Variants in ASIC2 observed in about 807,000 individuals in gnomAD.
ASIC2 encodes the protein acid-sensing ion channel 2.
A neutral mutation model predicts 57.3 loss-of-function variants in ASIC2; 25 were observed. The observed-to-expected ratio is 0.44, with a 90% CI of 0.32 to 0.61. The LOEUF is 0.61. Among genes scored for constraint, ASIC2 ranks in the 20% least tolerant of loss-of-function variants. ASIC2 has a pLI of 0.06. For synonymous variants in ASIC2, 319 were observed against 307.5 expected, an observed-to-expected ratio of 1.04 and a Z score of -0.39; for missense variants, 641 against 738.1, an observed-to-expected ratio of 0.87 and a Z score of 1.52.
chr17:33,835,170 C>T (rs1020588411), intron 1 of ASIC2, among the ~76,000 whole-genome samples: 1 of 152,188 alleles, frequency 6.6e-6, no homozygotes, highest in African/African-American at 2.4e-5. Context: ...AGGGGGTTGG[C>T]TCTGGGGCCA....
At chr17:33,639,059 T>C (rs998681170) in intron 1 of ASIC2, among the ~76,000 whole-genome samples, 1 of 151,750 alleles carries the variant, frequency 6.6e-6, no homozygotes, top group Non-Finnish European at 1.5e-5. Flanking sequence ...CGGTGTCTAA[T>C]GAGTGATATA....
At position 33,292,576 on chromosome 17, in the gene ASIC2, G is replaced by C; in HGVS notation, c.-461C>G. On this transcript the variant is annotated 5_prime_UTR_variant, in exon 1 of 10. Coordinates refer to ENST00000225823, the MANE Select transcript of ASIC2 (RefSeq NM_183377.2). ...CTGGTCCTGGGAGAAGGGCCACTCG[G>C]CCACCATGCCTGATCTGGACATCCC... is the stretch of plus-strand genomic sequence containing the variant. 7.1e-6 allele frequency: 7 copies of C among 985,806 alleles called. No individual in the cohort carries two copies. The highest frequency in any genetic ancestry group is 8.4e-6 in the Non-Finnish European group (7 of 830,262). The allele number at this position is 985,806 out of a possible 1,614,324, so 61.1% of individuals were successfully genotyped here. A position where few individuals can be genotyped will look rare whatever the true frequency, so the allele number is the denominator to read the frequency against.
chr17:33,981,611 G>C (rs1905626611), intron 1 of ASIC2, among the ~76,000 whole-genome samples: 1 of 148,910 alleles, frequency 6.7e-6, no homozygotes, highest in South Asian at 2.2e-4. Flanking sequence ...CTAAAGAAAA[G>C]AAAGAAGGAA....
At chr17:34,119,402 A>C (rs1567828778) in intron 1 of ASIC2, among the ~76,000 whole-genome samples, 1 of 152,212 alleles carries the variant, frequency 6.6e-6, no homozygotes, top group Non-Finnish European at 1.5e-5. Context: ...TAATTTTTAT[A>C]CAACATGTAT....
chr17:33,134,473 T>A (rs1471854440), intron 1 of ASIC2, among the ~76,000 whole-genome samples: 1 of 152,228 alleles, frequency 6.6e-6, no homozygotes, highest in Non-Finnish European at 1.5e-5. Context: ...CCGGGCAAAC[T>A]GGGATGTAGT....
At chr17:33,381,432 G>T (rs56144928) in intron 1 of ASIC2, among the ~76,000 whole-genome samples, 9 of 152,258 alleles carry the variant, frequency 5.9e-5, no homozygotes, top group African/African-American at 2.2e-4. Flanking sequence ...CAGCCCAGCC[G>T]CAGGCTTCCT....
chr17:33,113,542 G>A (rs938112717), intron 1 of ASIC2, among the ~76,000 whole-genome samples: 2 of 152,220 alleles, frequency 1.3e-5, no homozygotes, highest in African/African-American at 2.4e-5. Context: ...CCTACAGCAT[G>A]GAGGCCACAG....
chr17:34,058,488 A>G (rs1908852843), intron 1 of ASIC2, among the ~76,000 whole-genome samples: 1 of 152,140 alleles, frequency 6.6e-6, no homozygotes, highest in African/African-American at 2.4e-5. Flanking sequence ...CCAGGGCTTC[A>G]TGGGTAAAGC....
intron 1 of ASIC2, among the ~76,000 whole-genome samples, chr17:33,693,531 T>C (rs1386606936): frequency 6.6e-6 from 1 of 152,116 alleles, no homozygotes; most frequent in African/African-American, 2.4e-5. Flanking sequence ...AAATTGATAC[T>C]AGGTATGTAG....
At chr17:33,349,172 C>T (rs1908065960) in intron 1 of ASIC2, among the ~76,000 whole-genome samples, 1 of 152,180 alleles carries the variant, frequency 6.6e-6, no homozygotes, top group African/African-American at 2.4e-5. Context: ...AGAGAGAAGG[C>T]TCACTATGGT....
chr17:33,125,256 T>C (rs1460708102), intron 1 of ASIC2, among the ~76,000 whole-genome samples: 1 of 152,208 alleles, frequency 6.6e-6, no homozygotes, highest in Admixed American at 6.5e-5. Context: ...ATTTGACAAA[T>C]ATTTCTTAGA....
intron 1 of ASIC2, among the ~76,000 whole-genome samples, chr17:33,205,745 A>T (rs1302087705): frequency 6.6e-6 from 1 of 152,174 alleles, no homozygotes; most frequent in Non-Finnish European, 1.5e-5. Flanking sequence ...GTGATATGAC[A>T]TCATTTCTTC....
intron 1 of ASIC2, among the ~76,000 whole-genome samples, chr17:33,706,044 A>G (rs1908850444): frequency 6.6e-6 from 1 of 151,524 alleles, no homozygotes; most frequent in African/African-American, 2.4e-5. Context: ...ATGTTTAGAA[A>G]CTCTTATACC....
chr17:33,165,079 G>T (rs17184147), intron 1 of ASIC2, among the ~76,000 whole-genome samples: 46,671 of 152,144 alleles, frequency 0.31, 7,703 homozygotes, highest in Non-Finnish European at 0.37. Context: ...TAAATCCCTA[G>T]CATAGAACCT....
rs764500057 is a variant in ASIC2, at chr17:34,110,839, T to C, written c.555+45139A>G. Among the ~76,000 whole-genome samples, 45 of 152,194 alleles carry C rather than the reference T, an allele frequency of 3.0e-4. 1 individual carries two copies. The highest frequency in any genetic ancestry group is 5.7e-4 in the Non-Finnish European group (39 of 68,036). ...ATCAGTCTCTGCCTTTCAAAAGCTT[T>C]GTGACTCATTTTTTGTGATCATATC... On this transcript the variant is annotated intron_variant, in intron 1 of 9. Coordinates refer to the ASIC2 transcript ENST00000359872.
At chr17:33,057,562 C>G (rs1181418965) in intron 3 of ASIC2, among the ~76,000 whole-genome samples, 1 of 152,252 alleles carries the variant, frequency 6.6e-6, no homozygotes, top group African/African-American at 2.4e-5. Context: ...TGACGACTGA[C>G]TACCAAACCC....
intron 1 of ASIC2, among the ~76,000 whole-genome samples, chr17:33,550,374 C>T (rs148940398): frequency 7.2e-5 from 11 of 152,310 alleles, no homozygotes; most frequent in Non-Finnish European, 1.6e-4. Flanking sequence ...CAATGACTGG[C>T]AGGCGATATC....
chr17:34,007,653 G>C (rs1421596041), intron 1 of ASIC2, among the ~76,000 whole-genome samples: 2 of 152,176 alleles, frequency 1.3e-5, no homozygotes, highest in African/African-American at 4.8e-5. Context: ...CTAACTCCTG[G>C]TCCAGTGCTC....
intron 1 of ASIC2, among the ~76,000 whole-genome samples, chr17:33,185,953 C>T (rs1247877907): frequency 1.3e-5 from 2 of 152,134 alleles, no homozygotes; most frequent in Non-Finnish European, 2.9e-5. Context: ...AGCATAAAAG[C>T]AAGGGTCTGA....
Sources: allele counts gnomAD v4.1 joint callset (sites outside exome capture counted in the v4.1 genomes callset), GRCh38; gene constraint gnomAD v4.1.1; transcripts MANE v1.5; gene names NCBI Gene and HGNC (gene_info 2026-07-23, HGNC 2026-07-21).